Variants in ADA observed in about 807,000 individuals in gnomAD.
The protein encoded by ADA is adenosine aminohydrolase.
ADA carries 45 observed loss-of-function variants against 49.0 expected under a neutral mutation model. That is an observed-to-expected ratio of 0.92 (90% CI 0.72 to 1.18). The LOEUF (loss-of-function observed/expected upper bound fraction) is 1.18. Ranked by LOEUF, ADA falls within the 50% of genes most tolerant of loss-of-function variation. The pLI is 0.00. For missense variants in ADA, 445 were observed against 472.5 expected, an observed-to-expected ratio of 0.94 and a Z score of 0.54; for synonymous variants, 173 against 184.2, an observed-to-expected ratio of 0.94 and a Z score of 0.49.
At chr20:44,628,296 G>A (rs1175358608) in intron 3 of ADA, among the ~76,000 whole-genome samples, 4 of 152,084 alleles carry the variant, frequency 2.6e-5, no homozygotes, top group Non-Finnish European at 2.9e-5. Context: ...AGGCCGAGGC[G>A]GGCAGATCAC....
chr20:44,632,335 G>C (rs959703011), intron 2 of ADA, among the ~76,000 whole-genome samples: 5 of 152,118 alleles, frequency 3.3e-5, no homozygotes, highest in African/African-American at 1.2e-4. Context: ...AAGGGACTGG[G>C]GCTTTGGCTG....
chr20:44,620,246 CCA>C, intron 11 of ADA, 51 bp downstream of exon 11: 2 of 1,495,416 alleles, frequency 1.3e-6, no homozygotes, highest in East Asian at 4.5e-5. Context: ...CCACAGAAAG[CCA>C]CACTGGGGCC....
chr20:44,636,232 A>G lies in ADA; in HGVS notation c.90T>C (p.Tyr30=), dbSNP rs1002017656. 6.2e-7 allele frequency: 1 copy of G among 1,610,262 alleles called. No individual in the cohort carries two copies. Among genetic ancestry groups the G allele is most frequent in the South Asian group, 1.1e-5 (1 of 90,182 alleles). ...GCTCTTCTGTATGGACTTACCTGCC[A>G]TAGTATAAGATGGTTTCAGGCTTGA... is the stretch of plus-strand genomic sequence containing the variant. ...GSIKPETILY[Y]GRRRGIALPA... is the part of the protein sequence containing the mutation. Residue 30 remains tyrosine (Y), a synonymous_variant, in exon 2 of 12, where the codon TAT becomes TAC. Coordinates refer to ENST00000372874, the MANE Select transcript of ADA (RefSeq NM_000022.4).
intron 1 of ADA, among the ~76,000 whole-genome samples, chr20:44,637,518 TC>T (rs2065491708): frequency 6.6e-6 from 1 of 152,062 alleles, no homozygotes; most frequent in Non-Finnish European, 1.5e-5. Context: ...ATGGAAGCTT[TC>T]CCCCTAGCTA....
intron 10 of ADA, 27 bp from the exon 11 acceptor site, chr20:44,620,428 A>T: frequency 6.3e-7 from 1 of 1,586,958 alleles, no homozygotes; most frequent in Non-Finnish European, 8.7e-7. Context: ...GGCAGACAAC[A>T]TGGAACCAGA....
rs2065347644 is a variant in ADA at position 44,623,010 on chromosome 20, T to C, written c.675A>G (p.Lys225=). 6.2e-7 allele frequency: 1 copy of C among 1,614,210 alleles called. No homozygotes were observed. Among genetic ancestry groups the C allele is most frequent in the Non-Finnish European group, 8.5e-7 (1 of 1,180,040 alleles). ...CATGGCCAGCCCAGGCCCTCACCTC[T>C]TTTACTACTTCGGCCGAGCCCACCT... The part of the protein sequence containing the change: ...AGEVGSAEVV[K]EAVDILKTER... Residue 225 remains lysine, a synonymous_variant, in exon 7 of 12, where the codon AAA becomes AAG. Transcript: ENST00000372874.
chr20:44,620,606 T>C (rs953924611), intron 10 of ADA: 1 of 634,836 alleles, frequency 1.6e-6, no homozygotes, highest in East Asian at 2.8e-5. Flanking sequence ...GAAAAAGGGC[T>C]GTGAGAAGGA....
intron 10 of ADA, 60 bp from the exon 11 acceptor site, chr20:44,620,461 C>T: frequency 7.2e-7 from 1 of 1,397,336 alleles, no homozygotes; most frequent in Non-Finnish European, 1.0e-6. Flanking sequence ...CAGCTCTTAG[C>T]AATGTAGTGA....
chr20:44,624,172 A>G lies in ADA; in HGVS notation c.606+30T>C, dbSNP rs779337527. On this transcript the variant is annotated intron_variant, in intron 6 of 11. Transcript: ENST00000372874. ...GTGGGAGACAAGCTCACCCAGGGCCAGCCTCTCCATTCCTTCTCACAGGAC... is the reference window on the plus strand; with the variant it reads ...GTGGGAGACAAGCTCACCCAGGGCCGGCCTCTCCATTCCTTCTCACAGGAC... 4 of 1,591,046 alleles carry G rather than the reference A, an allele frequency of 2.5e-6. No homozygotes were observed. In the South Asian group the frequency reaches 3.4e-5, roughly 13 times the overall value.
chr20:44,625,727 A>G, intron 4 of ADA, 43 bp from the exon 5 acceptor site: 1 of 1,487,142 alleles, frequency 6.7e-7, no homozygotes, highest in Non-Finnish European at 9.2e-7. Flanking sequence ...GGCAAAAGGA[A>G]GGCCTAAAGG....
At chr20:44,651,530 C>G in intron 1 of ADA, 45 bp downstream of exon 1, 1 of 1,522,294 alleles carries the variant, frequency 6.6e-7, no homozygotes, top group Non-Finnish European at 8.8e-7. Context: ...CCTCGGGCCG[C>G]CCAGGCGCCG....
intron 5 of ADA, among the ~76,000 whole-genome samples, chr20:44,625,061 G>A (rs556317048): frequency 5.3e-5 from 8 of 152,360 alleles, no homozygotes; most frequent in African/African-American, 1.9e-4. Context: ...TTGTGACAGT[G>A]CACAACTGAG....
At chr20:44,640,188 T>C (rs933935569) in intron 1 of ADA, among the ~76,000 whole-genome samples, 5 of 151,892 alleles carry the variant, frequency 3.3e-5, no homozygotes, top group Non-Finnish European at 7.4e-5. Context: ...CTGAGGTGGG[T>C]GGATCACTTG....
intron 1 of ADA, among the ~76,000 whole-genome samples, chr20:44,638,864 C>T (rs6031685): frequency 0.018 from 2,789 of 152,232 alleles, 101 homozygotes; most frequent in African/African-American, 0.064. Flanking sequence ...TAGAGGATAG[C>T]GAGGAACCCA....
At chr20:44,620,214 G>A (rs1176023832) in intron 11 of ADA, 85 bp downstream of exon 11, 8 of 1,196,328 alleles carry the variant, frequency 6.7e-6, no homozygotes, top group Non-Finnish European at 1.0e-5. Flanking sequence ...CCCAAGAATG[G>A]AAGGGCATCT....
intron 1 of ADA, among the ~76,000 whole-genome samples, chr20:44,651,156 C>G (rs2065641579): frequency 6.6e-6 from 1 of 152,214 alleles, no homozygotes; most frequent in South Asian, 2.1e-4. Context: ...CGCTGGCGTA[C>G]AAAGCTGCTT....
intron 1 of ADA, among the ~76,000 whole-genome samples, chr20:44,639,088 A>G (rs933326971): frequency 6.6e-6 from 1 of 152,230 alleles, no homozygotes; most frequent in Non-Finnish European, 1.5e-5. Context: ...TTATCTGGAA[A>G]GCACACAGAG....
intron 1 of ADA, among the ~76,000 whole-genome samples, chr20:44,639,724 C>G (rs1304083748): frequency 6.6e-6 from 1 of 151,936 alleles, no homozygotes; most frequent in African/African-American, 2.4e-5. Flanking sequence ...ACTGGAGATG[C>G]CTTTGAGATA....
At chr20:44,624,402 TC>T in intron 5 of ADA, 73 bp from the exon 6 acceptor site, 1 of 1,602,784 alleles carries the variant, frequency 6.2e-7, no homozygotes, top group Non-Finnish European at 8.5e-7. Context: ...CTGCCTGCTG[TC>T]CCACCCAAAC....
Sources: allele counts gnomAD v4.1 joint callset (sites outside exome capture counted in the v4.1 genomes callset), GRCh38; gene constraint gnomAD v4.1.1; transcripts MANE v1.5; gene names NCBI Gene and HGNC (gene_info 2026-07-23, HGNC 2026-07-21).